WWC1: variants seen among roughly 807,000 people sequenced by gnomAD.
WWC1 encodes the protein WW and C2 domain containing 1.
WWC1 carries 55 observed loss-of-function variants against 138.4 expected under a neutral mutation model. The ratio of observed to expected loss-of-function variants is 0.40; its 90% CI spans 0.32 to 0.50. The LOEUF is 0.50. Among genes scored for constraint, WWC1 ranks in the 20% least tolerant of loss-of-function variants. The pLI, the probability that WWC1 is intolerant of heterozygous loss-of-function variation, is 0.72. For synonymous variants in WWC1, 524 were observed against 564.9 expected, an observed-to-expected ratio of 0.93 and a Z score of 1.03; for missense variants, 1,226 against 1,420.4, an observed-to-expected ratio of 0.86 and a Z score of 2.20.
chr5:168,423,160 A>AAC (rs1781244347), intron 10 of WWC1, among the ~76,000 whole-genome samples: 2 of 150,434 alleles, frequency 1.3e-5, no homozygotes, highest in African/African-American at 4.9e-5. Flanking sequence ...AAAAAAAAAA[A>AAC]AAAAAAAAAA....
intron 5 of WWC1, among the ~76,000 whole-genome samples, chr5:168,402,255 G>A (rs549470833): frequency 1.3e-5 from 2 of 152,228 alleles, no homozygotes; most frequent in East Asian, 3.8e-4. Flanking sequence ...TCTGCGTCCA[G>A]TGTGGAGGAA....
At chr5:168,384,713 CTTTTTTTTTTT>C (rs762052940) in intron 2 of WWC1, among the ~76,000 whole-genome samples, 4 of 99,638 alleles carry the variant, frequency 4.0e-5, no homozygotes, top group Non-Finnish European at 7.8e-5. Flanking sequence ...CTGGTTTATT[CTTTTTTTTTTT>C]TTTTTTTTTT....
chr5:168,459,337 C>T (rs1756604773), intron 19 of WWC1, among the ~76,000 whole-genome samples: 1 of 152,068 alleles, frequency 6.6e-6, no homozygotes, highest in Admixed American at 6.6e-5. Flanking sequence ...TGAATCTACC[C>T]CAGTTGTCAA....
chr5:168,305,602 A>C (rs10077205), intron 1 of WWC1, among the ~76,000 whole-genome samples: 1 of 152,060 alleles, frequency 6.6e-6, no homozygotes. Context: ...CTTAGCAGCA[A>C]ACCACTTAAC....
chr5:168,434,198 G>T (rs997005972), intron 15 of WWC1, among the ~76,000 whole-genome samples: 1 of 152,222 alleles, frequency 6.6e-6, no homozygotes, highest in African/African-American at 2.4e-5. Context: ...CCTAATTGAA[G>T]TCTGGTCATT....
At position 168,460,979 on chromosome 5, in the gene WWC1, TGAGGAGTGTGTACAC is replaced by T. The variant is rs1756753800; in HGVS notation, c.2916+238_2916+252del. On this transcript the variant is annotated intron_variant, in intron 20 of 22. Transcript: ENST00000265293. Reference sequence around the variant, plus strand: ...GTCTTATTATGACAAATAGGTTAGATGAGGAGTGTGTACACTTGGCCTTGCCTTCCTAGATAGAAA... The same window carrying T: ...GTCTTATTATGACAAATAGGTTAGATTTGGCCTTGCCTTCCTAGATAGAAA... 7.2e-5 allele frequency among the ~76,000 whole-genome samples: 11 copies of T among 152,250 alleles called. 1 individual carries two copies. The South Asian group carries it at 2.1e-3, about 29-fold the overall frequency.
intron 17 of WWC1, among the ~76,000 whole-genome samples, chr5:168,447,285 C>T (rs902244017): frequency 5.3e-5 from 8 of 152,290 alleles, no homozygotes; most frequent in East Asian, 1.9e-4. Context: ...TAGTCTCAGG[C>T]GGCGCCCTCC....
intron 3 of WWC1, among the ~76,000 whole-genome samples, chr5:168,388,104 A>T (rs1778182674): frequency 6.6e-6 from 1 of 152,224 alleles, no homozygotes; most frequent in Admixed American, 6.5e-5. Flanking sequence ...ATGGGCAGCC[A>T]CCACTTTACG....
intron 7 of WWC1, 130 bp from the exon 8 acceptor site, chr5:168,409,792 A>C: frequency 2.2e-6 from 2 of 890,772 alleles, no homozygotes; most frequent in Non-Finnish European, 1.9e-6. Flanking sequence ...CTGCACCGCC[A>C]GCCCAGTCAC....
chr5:168,343,618 T>C (rs750111708), intron 1 of WWC1, among the ~76,000 whole-genome samples: 1 of 151,690 alleles, frequency 6.6e-6, no homozygotes, highest in African/African-American at 2.4e-5. Flanking sequence ...AGTCAAGAGG[T>C]CAAGACCATC....
In WWC1 at chr5:168,308,617, C is replaced by G. The variant is rs575869920; in HGVS notation, c.119+16346C>G. Among the ~76,000 whole-genome samples the G allele has an allele frequency of 3.9e-4, 60 of 152,238 alleles. 1 individual carries two copies. The highest frequency in any genetic ancestry group is 1.3e-3 in the African/African-American group (56 of 41,560). ...ATCTGAACTTCTAAAGAGAGTGGCT[C>G]AAATGCAGGTTCCAAGGCCCTACCC... On this transcript the variant is annotated intron_variant, in intron 1 of 22. Coordinates refer to ENST00000265293, the MANE Select transcript of WWC1 (RefSeq NM_015238.3).
chr5:168,340,537 C>T (rs1473886837), intron 1 of WWC1, among the ~76,000 whole-genome samples: 1 of 151,880 alleles, frequency 6.6e-6, no homozygotes, highest in Non-Finnish European at 1.5e-5. Flanking sequence ...CTTTCTGCCT[C>T]TATAATTTTG....
At chr5:168,388,143 G>A (rs759220709) in intron 3 of WWC1, among the ~76,000 whole-genome samples, 34 of 152,180 alleles carry the variant, frequency 2.2e-4, no homozygotes, top group Non-Finnish European at 4.9e-4. Flanking sequence ...GACCAATAAT[G>A]AGACCAGGTG....
chr5:168,440,775 C>G (rs1754675849), intron 15 of WWC1, among the ~76,000 whole-genome samples: 1 of 152,178 alleles, frequency 6.6e-6, no homozygotes, highest in African/African-American at 2.4e-5. Context: ...CCTCAGCCTC[C>G]CAAAGTGCTG....
chr5:168,435,272 G>T (rs2152864288), intron 15 of WWC1, among the ~76,000 whole-genome samples: 1 of 152,130 alleles, frequency 6.6e-6, no homozygotes, highest in South Asian at 2.1e-4. Context: ...CCTGTCTGAG[G>T]CCACCACCCC....
chr5:168,317,312 G>A (rs1370435480), intron 1 of WWC1, among the ~76,000 whole-genome samples: 1 of 152,208 alleles, frequency 6.6e-6, no homozygotes, highest in African/African-American at 2.4e-5. Context: ...GTTTGTCTGT[G>A]TGTCCTGATT....
intron 1 of WWC1, among the ~76,000 whole-genome samples, chr5:168,369,678 A>AT (rs1776585100): frequency 6.6e-6 from 1 of 152,168 alleles, no homozygotes; most frequent in Non-Finnish European, 1.5e-5. Flanking sequence ...TTGGGTATTC[A>AT]TTCAACCAAA....
chr5:168,297,565 G>A (rs1342917987), intron 1 of WWC1, among the ~76,000 whole-genome samples: 3 of 149,998 alleles, frequency 2.0e-5, no homozygotes, highest in Non-Finnish European at 4.4e-5. Flanking sequence ...GGTGGAGGTT[G>A]TGGTGAGCCA....
chr5:168,308,592 A>G (rs1561590549), intron 1 of WWC1, among the ~76,000 whole-genome samples: 2 of 152,170 alleles, frequency 1.3e-5, no homozygotes, highest in Non-Finnish European at 2.9e-5. Context: ...GGCCACGTGC[A>G]TCTGAACTTC....
Sources: allele counts gnomAD v4.1 joint callset (sites outside exome capture counted in the v4.1 genomes callset), GRCh38; gene constraint gnomAD v4.1.1; transcripts MANE v1.5; gene names NCBI Gene and HGNC (gene_info 2026-07-23, HGNC 2026-07-21).